The following MYH8 variants were observed in gnomAD, a reference collection of about 807,000 sequenced individuals.
The protein encoded by MYH8 is myosin-8.
A neutral mutation model predicts 233.2 loss-of-function variants in MYH8; 168 were observed. The observed-to-expected ratio is 0.72, with a 90% confidence interval of 0.64 to 0.82. The LOEUF is 0.82. MYH8 is among the 40% of genes least tolerant of loss of function. The pLI is 0.00. For missense variants in MYH8, 1,995 were observed against 2,327.8 expected, an observed-to-expected ratio of 0.86 and a Z score of 2.94; for synonymous variants, 785 against 850.6, an observed-to-expected ratio of 0.92 and a Z score of 1.34.
chr17:10,393,201 G>A lies in MYH8; in HGVS notation c.5176C>T (p.Leu1726Phe). 1 of 1,614,168 alleles carries A rather than the reference G, an allele frequency of 6.2e-7. No individual in the cohort carries two copies. Among genetic ancestry groups the A allele is most frequent in the Non-Finnish European group, 8.5e-7 (1 of 1,180,040 alleles). Residue 1726 changes from leucine to phenylalanine, a missense_variant, in exon 36 of 40, where the codon CTC becomes TTC. Transcript: ENST00000403437. ...TCTAATTTCTTCTTGGTGTTAATGA[G>A]ACTGGTATTCTGTTAAAAGTAGTCG... ...VQLLHTQNTS[L>F]INTKKKLEND...
chr17:10,407,567 A>C (rs1304773957), intron 17 of MYH8, among the ~76,000 whole-genome samples: 1 of 152,066 alleles, frequency 6.6e-6, no homozygotes, highest in Non-Finnish European at 1.5e-5. Flanking sequence ...CTGGCCAGGC[A>C]TGGTGGCTCA....
intron 35 of MYH8, among the ~76,000 whole-genome samples, chr17:10,393,498 T>C (rs1171313365): frequency 6.6e-6 from 1 of 152,240 alleles, no homozygotes; most frequent in Admixed American, 6.5e-5. Flanking sequence ...CAGACATCAC[T>C]AGTTATTCTA....
chr17:10,409,408 C>A lies in MYH8; in HGVS notation c.1768G>T (p.Asp590Tyr), dbSNP rs1597402812. 6.2e-7 allele frequency: 1 copy of A among 1,614,204 alleles called. No homozygotes were observed. The highest frequency in any genetic ancestry group is 2.2e-5 in the East Asian group (1 of 44,872). Residue 590 changes from aspartate to tyrosine, a missense_variant, in exon 16 of 40, where the codon GAC becomes TAC. Transcript: ENST00000403437. ...FSLIHYAGTV[D>Y]YNITGWLDKN... ...TCCAGCCAGCCAGTAATGTTGTAGTCCACAGTGCCAGCATAGTGAATCAGA... is the reference window on the plus strand; with the variant it reads ...TCCAGCCAGCCAGTAATGTTGTAGTACACAGTGCCAGCATAGTGAATCAGA...
chr17:10,397,585 A>G (rs2072091812), intron 30 of MYH8, among the ~76,000 whole-genome samples: 1 of 152,214 alleles, frequency 6.6e-6, no homozygotes, highest in Non-Finnish European at 1.5e-5. Flanking sequence ...CTACCTAAGT[A>G]ACTCAGGATT....
chr17:10,405,724 G>T (rs2072186649), intron 21 of MYH8, among the ~76,000 whole-genome samples: 1 of 152,222 alleles, frequency 6.6e-6, no homozygotes, highest in Non-Finnish European at 1.5e-5. Context: ...GGCTGGAAAA[G>T]GCTATGTGCT....
rs267604701 is a variant in MYH8, at chr17:10,420,258, C to T, written c.-30-1G>A. On this transcript the variant is annotated splice_acceptor_variant, in intron 2 of 39. Coordinates refer to ENST00000403437, the MANE Select transcript of MYH8 (RefSeq NM_002472.3). LOFTEE classifies it low-confidence loss of function (5UTR_SPLICE). ...CGATTTATTTAGCAAAGGATTCTGCCTAGGGAGGAGAGAAACGGGAGAGAG... is the reference window on the plus strand; with the variant it reads ...CGATTTATTTAGCAAAGGATTCTGCTTAGGGAGGAGAGAAACGGGAGAGAG... The T allele has an allele frequency of 6.2e-7, 1 of 1,610,388 alleles. No individual in the cohort carries two copies. Among genetic ancestry groups the T allele is most frequent in the Non-Finnish European group, 8.5e-7 (1 of 1,178,340 alleles).
At chr17:10,405,902 GGCT>G in intron 21 of MYH8, 136 bp downstream of exon 21, 1 of 1,032,338 alleles carries the variant, frequency 9.7e-7, no homozygotes, top group Non-Finnish European at 1.5e-6. Context: ...CTGAAGCAAA[GGCT>G]GCTGTGTTGT....
Position 10,411,019 on chromosome 17 carries a change from C to A in MYH8, c.1417-72G>T, listed in dbSNP as rs1026977517. On this transcript the variant is annotated intron_variant, in intron 14 of 39. Transcript: ENST00000403437. ...AGTAAAATTCATTACTGAAAAAATT[C>A]TTTTATTGAAAAAATGTGGAATGTA... 1.8e-5 allele frequency: 29 copies of A among 1,609,342 alleles called. No individual in the cohort carries two copies. The Admixed American group carries it at 1.8e-4, about 10-fold the overall frequency.
At position 10,419,564 on chromosome 17, in the gene MYH8, C is replaced by T. The variant is rs565084020; in HGVS notation, c.210+454G>A. Among the ~76,000 whole-genome samples the T allele has an allele frequency of 1.3e-5, 2 of 152,258 alleles. No individual in the cohort carries two copies. Among genetic ancestry groups the T allele is most frequent in the South Asian group, 4.2e-4 (2 of 4,818 alleles). ...CTATCTTTTTAAAAGATTTTTTCCT[C>T]CCACATTCTCTTATCCCAGATTTAT... On this transcript the variant is annotated intron_variant, in intron 3 of 39. Transcript: ENST00000403437. This position sits in a 1 kb window ranked among gnomAD's most constrained non-coding sequence, Gnocchi z 4.0.
chr17:10,412,419 C>A lies in MYH8; in HGVS notation c.1367G>T (p.Arg456Met). 6.2e-7 allele frequency: 1 copy of A among 1,614,236 alleles called. No individual in the cohort carries two copies. The highest frequency in any genetic ancestry group is 8.5e-7 in the Non-Finnish European group (1 of 1,180,050). Residue 456 changes from arginine (R) to methionine (M), a missense_variant, in exon 14 of 40, where the codon AGG (arginine) becomes ATG (methionine). Transcript: ENST00000403437. Reference protein sequence around the residue: ...INQQLDTKQPRQYFIGVLDIA... With the variant: ...INQQLDTKQPMQYFIGVLDIA... ...GTCCAAGACCCCGATGAAGTACTGC[C>A]TGGGCTGCTTGGTGTCCAGCTGCTG...
chr17:10,403,984 T>A (rs1361150052), intron 22 of MYH8, among the ~76,000 whole-genome samples: 3 of 152,188 alleles, frequency 2.0e-5, no homozygotes, highest in Admixed American at 1.3e-4. Flanking sequence ...TCTCATAGAC[T>A]TGCATTTAGA....
In MYH8 at chr17:10,401,258, A is replaced by G. The variant is rs768804741; in HGVS notation, c.3108+17T>C. 10 of 1,614,174 alleles carry G rather than the reference A, an allele frequency of 6.2e-6. No individual in the cohort carries two copies. Among genetic ancestry groups the G allele is most frequent in the African/African-American group, 1.3e-5 (1 of 75,064 alleles). On this transcript the variant is annotated intron_variant, in intron 24 of 39. Coordinates refer to ENST00000403437, the MANE Select transcript of MYH8 (RefSeq NM_002472.3). ...TTTTAAAAAAATCTTTCAAAGGGAT[A>G]TTTAAAATGTGCTTACATCATCCAC...
rs1459072387 is a variant in MYH8 at position 10,396,445 on chromosome 17, GA to G, written c.4537del (p.Ser1513LeufsTer20). 4 of 1,614,016 alleles carry G rather than the reference GA, an allele frequency of 2.5e-6. No homozygotes were observed. In the Admixed American group the frequency reaches 6.7e-5, roughly 27 times the overall value. On this transcript the variant is annotated frameshift_variant, in exon 33 of 40. Coordinates refer to ENST00000403437, the MANE Select transcript of MYH8 (RefSeq NM_002472.3). LOFTEE classifies it high-confidence loss of function. The surrounding 1 kb of genome is among the most constrained non-coding windows in gnomAD (Gnocchi z 4.2). ...RENKNLQQEI[S>X]DLTEQIAEGG... Reference sequence around the variant, plus strand: ...CTCTGCAATCTGCTCAGTGAGGTCAGAAATCTCCTCTGTGGTTGAACAGACA... The same window carrying G: ...CTCTGCAATCTGCTCAGTGAGGTCAGAATCTCCTCTGTGGTTGAACAGACA...
Position 10,399,640 on chromosome 17 carries a change from T to C in MYH8, c.3765A>G (p.Leu1255=), listed in dbSNP as rs2072116126. 3.7e-6 allele frequency: 6 copies of C among 1,614,058 alleles called. No homozygotes were observed. The East Asian group carries it at 1.3e-4, about 36-fold the overall frequency. The part of the protein sequence containing the change: ...KGNLEKMCRS[L]EDQVSELKTK... ...TCTTAAGCTCACTCACTTGATCTTC[T>C]AGAGAGCGGCACATCTTTTCAAGGT... The change falls in exon 28 of 40, where the codon CTA becomes CTG. Residue 1255 remains leucine (L), a synonymous_variant. Transcript: ENST00000403437.
chr17:10,410,703 A>G, intron 15 of MYH8, 74 bp downstream of exon 15: 2 of 1,608,046 alleles, frequency 1.2e-6, no homozygotes, highest in Non-Finnish European at 1.7e-6. Flanking sequence ...GATTACAGTA[A>G]TACTTTCTAG....
In MYH8 at chr17:10,404,812, A is replaced by C. The variant is rs368532149; in HGVS notation, c.2433-227T>G. 1.1e-4 allele frequency among the ~76,000 whole-genome samples: 16 copies of C among 152,212 alleles called. No homozygotes were observed. In the South Asian group the frequency reaches 3.3e-3, roughly 32 times the overall value. On this transcript the variant is annotated intron_variant, in intron 21 of 39. Coordinates refer to ENST00000403437, the MANE Select transcript of MYH8 (RefSeq NM_002472.3). ...TAGCCCTCAGTATAACCACTTTGCT[A>C]ATATGAGTACGGTTCATATTGAGCA...
intron 17 of MYH8, among the ~76,000 whole-genome samples, chr17:10,407,834 G>C (rs1162309909): frequency 1.3e-5 from 2 of 150,784 alleles, no homozygotes; most frequent in Non-Finnish European, 2.9e-5. Flanking sequence ...GCAAGACTCT[G>C]TCTCGAAAAA....
chr17:10,399,794 A>T, intron 27 of MYH8, 125 bp from the exon 28 acceptor site: 1 of 1,348,296 alleles, frequency 7.4e-7, no homozygotes, highest in Non-Finnish European at 1.0e-6. Context: ...TAGGACATCA[A>T]CTCTGTGGAA....
Position 10,398,453 on chromosome 17 carries a change from T to C in MYH8, c.4169A>G (p.Glu1390Gly), listed in dbSNP as rs764174268. 6.2e-7 allele frequency: 1 copy of C among 1,614,000 alleles called. No homozygotes were observed. The highest frequency in any genetic ancestry group is 1.3e-5 in the African/African-American group (1 of 75,056). ...AGTTCACAGCACATACTTGGCCTCC[T>C]CCAGCTCCTCTGTGCGCTGGATGGC... Reference protein sequence around the residue: ...TDAIQRTEELEEAKKKLAQRL... With the variant: ...TDAIQRTEELGEAKKKLAQRL... The change falls in exon 30 of 40, where the codon GAG (glutamate) becomes GGG (glycine). Residue 1390 changes from glutamate to glycine, a missense_variant. Glu to Gly is a moderately conservative substitution (Grantham distance 98, BLOSUM62 -2). Around this residue, in one of 3 missense-constraint regions of MYH8, gnomAD observed 1,498 missense variants for 1,680.9 expected, o/e 0.89. Transcript: ENST00000403437.
Sources: allele counts gnomAD v4.1 joint callset (sites outside exome capture counted in the v4.1 genomes callset), GRCh38; gene constraint gnomAD v4.1.1; regional missense constraint gnomAD v4.1.1; non-coding constraint Gnocchi (gnomAD v3.1); transcripts MANE v1.5; gene names NCBI Gene and HGNC (gene_info 2026-07-23, HGNC 2026-07-21).